LYST: variants seen among roughly 807,000 people sequenced by gnomAD.
LYST encodes lysosomal-trafficking regulator.
Under a neutral mutation model 413.6 loss-of-function variants are expected in LYST, and 192 were observed. The observed-to-expected ratio is 0.46, with a 90% CI of 0.41 to 0.52. LYST has a LOEUF of 0.52. Among genes scored for constraint, LYST ranks in the 20% least tolerant of loss-of-function variants. The pLI, the probability that LYST is intolerant of heterozygous loss-of-function variation, is 0.00. For synonymous variants in LYST, 1,525 were observed against 1,567.3 expected, an observed-to-expected ratio of 0.97 and a Z score of 0.64; for missense variants, 3,815 against 4,499.9, an observed-to-expected ratio of 0.85 and a Z score of 4.35.
chr1:235,846,270 A>G (rs527916956), intron 1 of LYST, among the ~76,000 whole-genome samples: 5 of 152,242 alleles, frequency 3.3e-5, no homozygotes, highest in South Asian at 2.1e-4. Context: ...CAGAAGAGAG[A>G]CAACAATCAC....
Position 235,805,752 on chromosome 1 carries a change from T to C in LYST, c.3384A>G (p.Leu1128=). ...AAGGACAAGGTATTACCTGATTAGG[T>C]AACTCCAATTCCATCTTCTGTTGAC... ...RTSQQKMELE[L]PNQNLSVESI... is the part of the protein sequence containing the mutation. The change falls in exon 6 of 53, where the codon TTA becomes TTG. Residue 1128 remains leucine, a synonymous_variant. Transcript: ENST00000389793. The C allele has an allele frequency of 6.2e-7, 1 of 1,612,644 alleles. No homozygotes were observed. The highest frequency in any genetic ancestry group is 8.5e-7 in the Non-Finnish European group (1 of 1,179,156).
At chr1:235,675,302 G>T (rs961989605) in intron 50 of LYST, among the ~76,000 whole-genome samples, 43 of 152,086 alleles carry the variant, frequency 2.8e-4, no homozygotes, top group African/African-American at 9.9e-4. Flanking sequence ...CCCTCCTCTC[G>T]CAAACTGCAT....
chr1:235,769,897 T>C (rs1391863294), intron 20 of LYST, among the ~76,000 whole-genome samples: 2 of 152,086 alleles, frequency 1.3e-5, no homozygotes, highest in East Asian at 3.8e-4. Context: ...TATTATTCTA[T>C]CCCAACATAA....
chr1:235,665,702 A>G (rs975353172), intron 50 of LYST, among the ~76,000 whole-genome samples: 7 of 152,026 alleles, frequency 4.6e-5, no homozygotes, highest in Non-Finnish European at 1.0e-4. Flanking sequence ...TTAATTCTTA[A>G]AAAAAGAAGA....
rs200307830 is a variant in LYST at position 235,801,385 on chromosome 1, T to TA, written c.3713-289dup. Among the ~76,000 whole-genome samples, 266 of 143,396 alleles carry TA rather than the reference T, an allele frequency of 1.9e-3. 1 individual carries two copies. The highest frequency in any genetic ancestry group is 3.6e-3 in the East Asian group (18 of 5,012). 94.1% of individuals were successfully genotyped at this position (143,396 alleles called of 152,430 possible). A position where few individuals can be genotyped will look rare whatever the true frequency, so the allele number is the denominator to read the frequency against. ...TTAACACATCCCATGGACACAACTTTAAAAAAAAAAAACCTATTCAAACTT... is the reference window on the plus strand; with the variant it reads ...TTAACACATCCCATGGACACAACTTTAAAAAAAAAAAAACCTATTCAAACTT... On this transcript the variant is annotated intron_variant, in intron 8 of 52. Coordinates refer to ENST00000389793, the MANE Select transcript of LYST (RefSeq NM_000081.4).
intron 19 of LYST, 69 bp from the exon 20 acceptor site, chr1:235,770,366 C>T (rs1668549463): frequency 1.5e-6 from 2 of 1,341,652 alleles, no homozygotes; most frequent in African/African-American, 2.9e-5. Flanking sequence ...TTTTGGAAGA[C>T]ACACAACGCG....
At chr1:235,668,350 TA>T (rs1329739362) in intron 50 of LYST, among the ~76,000 whole-genome samples, 3 of 152,286 alleles carry the variant, frequency 2.0e-5, no homozygotes, top group East Asian at 3.9e-4. Context: ...TCGCTACAGA[TA>T]AATTTGACCT....
intron 22 of LYST, among the ~76,000 whole-genome samples, chr1:235,762,317 CAGAGCGGTA>C (rs886347032): frequency 6.6e-6 from 1 of 152,044 alleles, no homozygotes; most frequent in Non-Finnish European, 1.5e-5. Context: ...CAGATGCATG[CAGAGCGGTA>C]AGACAAAGTA....
intron 1 of LYST, among the ~76,000 whole-genome samples, chr1:235,851,622 C>T (rs1678554939): frequency 6.6e-6 from 1 of 151,758 alleles, no homozygotes; most frequent in African/African-American, 2.4e-5. Flanking sequence ...AAAGACAAAA[C>T]AAAGTTCATT....
At chr1:235,787,791 A>C (rs1017536462) in intron 13 of LYST, among the ~76,000 whole-genome samples, 1 of 152,180 alleles carries the variant, frequency 6.6e-6, no homozygotes, top group African/African-American at 2.4e-5. Flanking sequence ...GAGATAATGT[A>C]CATAAGGCAC....
chr1:235,830,384 A>G lies in LYST; in HGVS notation c.34T>C (p.Phe12Leu). 1 of 1,613,870 alleles carries G rather than the reference A, an allele frequency of 6.2e-7. No homozygotes were observed. The highest frequency in any genetic ancestry group is 8.5e-7 in the Non-Finnish European group (1 of 1,179,920). Residue 12 changes from phenylalanine (F) to leucine (L), a missense_variant, in exon 3 of 53, where the codon TTT (phenylalanine) becomes CTT (leucine). Coordinates refer to ENST00000389793, the MANE Select transcript of LYST (RefSeq NM_000081.4). Reference sequence around the variant, plus strand: ...CAAAGCCGGTTGACATCGGTCAGAAATTCACGTGCCAGTGAGTTACTGTCG... The same window carrying G: ...CAAAGCCGGTTGACATCGGTCAGAAGTTCACGTGCCAGTGAGTTACTGTCG... ...STDSNSLARE[F>L]LTDVNRLCNA...
In LYST at chr1:235,770,214, C is replaced by G; in HGVS notation, c.5868G>C (p.Gln1956His). 1.9e-6 allele frequency: 3 copies of G among 1,613,750 alleles called. No homozygotes were observed. Among genetic ancestry groups the G allele is most frequent in the South Asian group, 1.1e-5 (1 of 91,082 alleles). ...DHHQQMFNIK[Q>H]LLKAQVVHHF... is the part of the protein sequence containing the mutation. ...GATGAACCACTTGAGCTTTCAATAA[C>G]TGCTTAATATTAAACATCTGCTGGT... Residue 1956 changes from glutamine (Q) to histidine (H), a missense_variant, in exon 20 of 53, where the codon CAG becomes CAC. This residue lies in a region of LYST where 530 missense variants were observed against 696.5 expected (regional missense o/e 0.76). Coordinates refer to ENST00000389793, the MANE Select transcript of LYST (RefSeq NM_000081.4).
At chr1:235,720,051 C>T (rs1339404860) in intron 40 of LYST, among the ~76,000 whole-genome samples, 5 of 151,462 alleles carry the variant, frequency 3.3e-5, no homozygotes, top group Non-Finnish European at 5.9e-5. Context: ...TGGCAGGTGC[C>T]GGCAGTCCCA....
At position 235,810,391 on chromosome 1, in the gene LYST, T is replaced by G. The variant is rs757912379; in HGVS notation, c.427A>C (p.Ser143Arg). Residue 143 changes from serine to arginine, a missense_variant, in exon 5 of 53, where the codon AGC becomes CGC. By Grantham distance (110) the Ser-to-Arg change is moderately radical. Around this residue, in one of 4 missense-constraint regions of LYST, gnomAD observed 1,648 missense variants for 1,810.3 expected, o/e 0.91. Transcript: ENST00000389793. ...VSAKVNVFRK[S>R]RRQRKITHRY... is the part of the protein sequence containing the mutation. ...TGGGTAATTTTACGCTGTCGTCTGC[T>G]TTTTCGAAAAACATTTACTTTTGCA... The G allele has an allele frequency of 6.2e-7, 1 of 1,612,194 alleles. No homozygotes were observed. Among genetic ancestry groups the G allele is most frequent in the Admixed American group, 1.7e-5 (1 of 59,612 alleles).
chr1:235,768,844 A>G (rs1270257531), intron 20 of LYST, among the ~76,000 whole-genome samples: 2 of 152,120 alleles, frequency 1.3e-5, no homozygotes, highest in African/African-American at 2.4e-5. Context: ...ACACTCAGTA[A>G]GCAAGGGGCC....
chr1:235,682,850 C>T (rs540023021), intron 48 of LYST, among the ~76,000 whole-genome samples: 1 of 152,296 alleles, frequency 6.6e-6, no homozygotes, highest in East Asian at 1.9e-4. Flanking sequence ...AACAGAACAA[C>T]TATCTCCAAT....
rs570079962 is a variant in LYST, at chr1:235,782,232, G to A, written c.4863-145C>T. 4.4e-6 allele frequency: 3 copies of A among 688,308 alleles called. No individual in the cohort carries two copies. In the East Asian group the frequency reaches 8.7e-5, roughly 20 times the overall value. The allele number at this position is 688,308 out of a possible 1,614,324, so 42.6% of individuals were successfully genotyped here. On this transcript the variant is annotated intron_variant, in intron 14 of 52. Transcript: ENST00000389793. ...CTCGCTCTGTTGCCCAGGTTGGCAC[G>A]ATCTCAGCTCACTGCAAGCTCCGCC...
chr1:235,755,536 C>G lies in LYST; in HGVS notation c.7171G>C (p.Glu2391Gln). ...NQLYLHRGTQELLECFIEMFF... is the reference protein window; with the variant it reads ...NQLYLHRGTQQLLECFIEMFF... Reference sequence around the variant, plus strand: ...ATTTCGATGAAGCATTCTAACAATTCTTGAGTTCCTCGATGAAGATACAAC... The same window carrying G: ...ATTTCGATGAAGCATTCTAACAATTGTTGAGTTCCTCGATGAAGATACAAC... The change falls in exon 25 of 53, where the codon GAA becomes CAA. Residue 2391 changes from glutamate to glutamine, a missense_variant. Glu to Gln is a conservative substitution (Grantham distance 29). Around this residue, in one of 4 missense-constraint regions of LYST, gnomAD observed 771 missense variants for 837.1 expected, o/e 0.92. Transcript: ENST00000389793. The G allele has an allele frequency of 6.2e-7, 1 of 1,613,790 alleles. No individual in the cohort carries two copies. The highest frequency in any genetic ancestry group is 1.1e-5 in the South Asian group (1 of 91,068).
intron 17 of LYST, among the ~76,000 whole-genome samples, chr1:235,776,152 A>C (rs1460891822): frequency 1.3e-5 from 2 of 152,156 alleles, no homozygotes; most frequent in Non-Finnish European, 2.9e-5. Context: ...AGGGCTTTTA[A>C]TTTTAAAACA....
Sources: allele counts gnomAD v4.1 joint callset (sites outside exome capture counted in the v4.1 genomes callset), GRCh38; gene constraint gnomAD v4.1.1; regional missense constraint gnomAD v4.1.1; transcripts MANE v1.5; gene names NCBI Gene and HGNC (gene_info 2026-07-23, HGNC 2026-07-21).